Variants in GREM2 observed in about 807,000 individuals in gnomAD.
GREM2 encodes the protein gremlin-2.
GREM2 carries 11 observed loss-of-function variants against 14.2 expected under a neutral mutation model. That is an observed-to-expected ratio of 0.78 (90% CI 0.49 to 1.28). GREM2 has a LOEUF of 1.28. GREM2 is among the 50% of genes most tolerant of loss of function. GREM2 has a pLI of 0.00. For synonymous variants in GREM2, 98 were observed against 97.6 expected, an observed-to-expected ratio of 1.00 and a Z score of -0.02; for missense variants, 210 against 218.5, an observed-to-expected ratio of 0.96 and a Z score of 0.24.
In GREM2 at chr1:240,612,143, G is replaced by C. The variant is rs1356286495; in HGVS notation, c.-261C>G. On this transcript the variant is annotated 5_prime_UTR_variant, in exon 1 of 2. Coordinates refer to ENST00000318160, the MANE Select transcript of GREM2 (RefSeq NM_022469.4). ...CTCCTGCAGATGTGAAAGGAGCCCG[G>C]AGACTTAGCTCTGAATCCTCTCGGC... 6.6e-6 allele frequency: 1 copy of C among 152,478 alleles called. No homozygotes were observed. Among genetic ancestry groups the C allele is most frequent in the Non-Finnish European group, 1.5e-5 (1 of 68,098 alleles). 9.4% of individuals were successfully genotyped at this position (152,478 alleles called of 1,614,324 possible). A position where few individuals can be genotyped will look rare whatever the true frequency, so the allele number is the denominator to read the frequency against.
chr1:240,499,633 AG>A (rs1275308310), intron 1 of GREM2, among the ~76,000 whole-genome samples: 11 of 152,204 alleles, frequency 7.2e-5, no homozygotes, highest in Non-Finnish European at 1.5e-4. Context: ...AAACCTTTAG[AG>A]ACAGAGGTCG....
At chr1:240,527,169 T>A (rs1182859834) in intron 1 of GREM2, among the ~76,000 whole-genome samples, 2 of 152,236 alleles carry the variant, frequency 1.3e-5, no homozygotes, top group African/African-American at 4.8e-5. Context: ...TCTGGTGGTA[T>A]GTTTTCTACT....
chr1:240,511,911 C>G (rs1677842263), intron 1 of GREM2, among the ~76,000 whole-genome samples: 3 of 152,060 alleles, frequency 2.0e-5, no homozygotes, highest in Admixed American at 2.0e-4. Context: ...GCTGCTGCAC[C>G]CCCTCATACC....
At chr1:240,594,824 A>G (rs1049647274) in intron 1 of GREM2, among the ~76,000 whole-genome samples, 1 of 152,160 alleles carries the variant, frequency 6.6e-6, no homozygotes, top group Non-Finnish European at 1.5e-5. Flanking sequence ...ATCATAGAGC[A>G]TACTTACACA....
chr1:240,525,806 G>C (rs10802884), intron 1 of GREM2, among the ~76,000 whole-genome samples: 97 of 152,210 alleles, frequency 6.4e-4, no homozygotes, highest in African/African-American at 2.3e-3. Flanking sequence ...GAGTTCTGTC[G>C]GTTAGAAATC....
In GREM2 at chr1:240,543,090, C is replaced by T. The variant is rs1401858148; in HGVS notation, c.-1-49614G>A. The stretch of plus-strand genomic sequence containing the variant: ...TGCTCTCCTTCTGAGGTTTCAAAAG[C>T]ATTTCCTCGATCACTCTGTCATGAT... On this transcript the variant is annotated intron_variant, in intron 1 of 1. Coordinates refer to ENST00000318160, the MANE Select transcript of GREM2 (RefSeq NM_022469.4). The surrounding 1 kb of genome is among the most constrained non-coding windows in gnomAD (Gnocchi z 6.4). Among the ~76,000 whole-genome samples, 2 of 152,220 alleles carry T rather than the reference C, an allele frequency of 1.3e-5. No individual in the cohort carries two copies. The highest frequency in any genetic ancestry group is 2.9e-5 in the Non-Finnish European group (2 of 68,042).
At chr1:240,519,323 C>A (rs1160431089) in intron 1 of GREM2, among the ~76,000 whole-genome samples, 1 of 151,690 alleles carries the variant, frequency 6.6e-6, no homozygotes, top group Non-Finnish European at 1.5e-5. Flanking sequence ...ACTATCACAA[C>A]TTTCTCCTAA....
intron 1 of GREM2, among the ~76,000 whole-genome samples, chr1:240,544,362 T>C (rs1483899192): frequency 6.6e-6 from 1 of 152,122 alleles, no homozygotes. Context: ...TTAGCCAGGA[T>C]GGTCTCGATC....
At chr1:240,576,912 TATG>T (rs1185948936) in intron 1 of GREM2, among the ~76,000 whole-genome samples, 1 of 152,202 alleles carries the variant, frequency 6.6e-6, no homozygotes, top group African/African-American at 2.4e-5. Flanking sequence ...GAAAGCAGTA[TATG>T]ATAAGAACTT....
At chr1:240,531,320 A>T (rs1211987512) in intron 1 of GREM2, among the ~76,000 whole-genome samples, 1 of 152,214 alleles carries the variant, frequency 6.6e-6, no homozygotes, top group Non-Finnish European at 1.5e-5. Flanking sequence ...CAAATTGGTG[A>T]TATTATTACA....
chr1:240,599,550 T>G (rs1454025535), intron 1 of GREM2, among the ~76,000 whole-genome samples: 3 of 152,194 alleles, frequency 2.0e-5, no homozygotes, highest in African/African-American at 7.2e-5. Flanking sequence ...CTGCATTTGT[T>G]GGTTGAAAGT....
chr1:240,603,877 T>C (rs1679976064), intron 1 of GREM2, among the ~76,000 whole-genome samples: 1 of 151,860 alleles, frequency 6.6e-6, no homozygotes, highest in African/African-American at 2.4e-5. Flanking sequence ...TTTGCACTGC[T>C]ATCATGGAAT....
intron 1 of GREM2, among the ~76,000 whole-genome samples, chr1:240,572,488 C>G (rs553434309): frequency 1.3e-5 from 2 of 152,172 alleles, no homozygotes; most frequent in Admixed American, 6.5e-5. Flanking sequence ...TTAGAGAGTA[C>G]GAAGTCTTCC....
chr1:240,583,932 A>G (rs913774450), intron 1 of GREM2, among the ~76,000 whole-genome samples: 3 of 151,868 alleles, frequency 2.0e-5, no homozygotes, highest in Admixed American at 6.6e-5. Context: ...TGTTTTATCT[A>G]CTTCTGAAAT....
At chr1:240,551,065 G>T (rs1242196776) in intron 1 of GREM2, among the ~76,000 whole-genome samples, 2 of 152,142 alleles carry the variant, frequency 1.3e-5, no homozygotes, top group Non-Finnish European at 2.9e-5. Flanking sequence ...TCTTAAATTT[G>T]ATTTATACTG....
chr1:240,578,612 C>A (rs976769433), intron 1 of GREM2, among the ~76,000 whole-genome samples: 2 of 151,708 alleles, frequency 1.3e-5, no homozygotes, highest in African/African-American at 4.8e-5. Context: ...TGGTGAAACC[C>A]TGTCTCTACC....
chr1:240,606,500 A>G (rs1415526404), intron 1 of GREM2, among the ~76,000 whole-genome samples: 1 of 152,152 alleles, frequency 6.6e-6, no homozygotes, highest in Non-Finnish European at 1.5e-5. Context: ...TCATTAGGTT[A>G]TTCCTGGTCT....
intron 1 of GREM2, among the ~76,000 whole-genome samples, chr1:240,529,770 C>T (rs1056849046): frequency 2.0e-5 from 3 of 152,096 alleles, no homozygotes; most frequent in Admixed American, 6.5e-5. Flanking sequence ...CTATTACACT[C>T]CCAAGCAATG....
At chr1:240,532,664 GATAGATAGATAGATAGATAGATAT>G (rs1386270074) in intron 1 of GREM2, among the ~76,000 whole-genome samples, 16 of 138,400 alleles carry the variant, frequency 1.2e-4, no homozygotes, top group Admixed American at 4.8e-4. Flanking sequence ...TAGATAGATA[GATAGATAGATAGATAGATAGATAT>G]ATGGCAAGAA....
Sources: gnomAD v4.1 joint callset for allele counts (sites outside exome capture counted in the v4.1 genomes callset) on GRCh38, gnomAD v4.1.1 for gene constraint, Gnocchi (gnomAD v3.1) non-coding constraint, MANE v1.5 for transcripts, NCBI Gene and HGNC (gene_info 2026-07-23, HGNC 2026-07-21) for gene names.